ERAP1: variants seen among roughly 807,000 people sequenced by gnomAD.
The protein encoded by ERAP1 is endoplasmic reticulum aminopeptidase 1.
In ERAP1, 86 loss-of-function variants were observed where a neutral mutation model predicts 103.7. The observed-to-expected ratio is 0.83, with a 90% CI of 0.70 to 0.99. ERAP1 has a LOEUF of 0.99. Ranked by LOEUF, ERAP1 falls within the 50% of genes least tolerant of loss-of-function variation. ERAP1 has a pLI of 0.00. For missense variants in ERAP1, 1,009 were observed against 1,128.4 expected, an observed-to-expected ratio of 0.89 and a Z score of 1.52; for synonymous variants, 398 against 402.4, an observed-to-expected ratio of 0.99 and a Z score of 0.13.
At chr5:96,869,337 C>T in the ERAP1 span, among the ~76,000 whole-genome samples, 23,419 of 152,050 alleles carry the variant, frequency 0.15, 2,281 homozygotes, top group Middle Eastern at 0.32. Flanking sequence ...CTACCCTCCA[C>T]TGACTAGTTT....
the ERAP1 span, among the ~76,000 whole-genome samples, chr5:96,849,878 T>A: frequency 2.4e-4 from 37 of 152,062 alleles, no homozygotes; most frequent in East Asian, 6.4e-3. Context: ...GCTAGAGTAA[T>A]CAAAACAGCA....
chr5:96,851,554 T>C, the ERAP1 span, among the ~76,000 whole-genome samples: 11 of 152,200 alleles, frequency 7.2e-5, no homozygotes, highest in African/African-American at 2.7e-4. Flanking sequence ...CTCTGGTTTC[T>C]TTCTTTTCCC....
the ERAP1 span, among the ~76,000 whole-genome samples, chr5:96,889,717 A>G: frequency 2.0e-5 from 3 of 152,028 alleles, no homozygotes; most frequent in South Asian, 2.1e-4. Context: ...GCGGACATCA[A>G]CGCTCTCATC....
exon 20 of ERAP1, chr5:96,762,972 T>C (rs763457521): frequency 5.1e-6 from 3 of 585,314 alleles, no homozygotes; most frequent in Non-Finnish European, 9.2e-6. Flanking sequence ...CAGACTTCCT[T>C]GACTAATCAC....
downstream of ERAP1, chr5:96,774,330 TA>T: frequency 4.7e-6 from 1 of 213,140 alleles, no homozygotes; most frequent in Non-Finnish European, 8.2e-6. Flanking sequence ...AACATTTATT[TA>T]AAAAGAACTC....
the ERAP1 span, chr5:96,886,626 G>A: frequency 1.0e-5 from 15 of 1,473,304 alleles, no homozygotes; most frequent in Middle Eastern, 1.8e-4. Flanking sequence ...CAGTTTTCAA[G>A]TACTGATTAT....
chr5:96,854,855 C>T, the ERAP1 span, among the ~76,000 whole-genome samples: 1 of 152,132 alleles, frequency 6.6e-6, no homozygotes, highest in Non-Finnish European at 1.5e-5. Flanking sequence ...ACTTAAAATA[C>T]TATCCAAGGG....
the ERAP1 span, among the ~76,000 whole-genome samples, chr5:96,888,613 A>C: frequency 6.6e-6 from 1 of 152,228 alleles, no homozygotes; most frequent in Non-Finnish European, 1.5e-5. Flanking sequence ...TGGGTCATGA[A>C]ATAAAAGTAG....
chr5:96,786,042 T>C, intron 12 of ERAP1, 71 bp from the exon 13 acceptor site: 1 of 1,452,970 alleles, frequency 6.9e-7, no homozygotes, highest in Non-Finnish European at 9.6e-7. Context: ...CATCCAAGAT[T>C]GGGCAAGGAA....
At position 96,795,123 on chromosome 5, in the gene ERAP1, CTGCT is replaced by C; in HGVS notation, c.834_837del (p.Ala279IlefsTer8). 6.2e-7 allele frequency: 1 copy of C among 1,613,924 alleles called. No homozygotes were observed. Among genetic ancestry groups the C allele is most frequent in the Non-Finnish European group, 8.5e-7 (1 of 1,179,988 alleles). On this transcript the variant is annotated frameshift_variant, in exon 5 of 19. Transcript: ENST00000443439. LOFTEE classifies it high-confidence loss of function. ...GTCACCGCAGCATCCAGTGCATAAT[CTGCT>C]TGATTTATCTTGTCTGGCACAGCAT...
chr5:96,876,315 T>A, the ERAP1 span: 1 of 152,506 alleles, frequency 6.6e-6, no homozygotes. Flanking sequence ...GTTTGGCTTC[T>A]ACTCCAAAGC....
chr5:96,847,481 C>T, the ERAP1 span, among the ~76,000 whole-genome samples: 1 of 152,116 alleles, frequency 6.6e-6, no homozygotes, highest in Non-Finnish European at 1.5e-5. Flanking sequence ...ACAGGTCTAA[C>T]ATATATATAC....
the ERAP1 span, among the ~76,000 whole-genome samples, chr5:96,857,301 A>C: frequency 6.6e-6 from 1 of 152,108 alleles, no homozygotes; most frequent in Non-Finnish European, 1.5e-5. Flanking sequence ...CACATGTCAC[A>C]CTGGGTTATT....
the ERAP1 span, among the ~76,000 whole-genome samples, chr5:96,861,878 G>C: frequency 3.3e-5 from 5 of 152,212 alleles, no homozygotes; most frequent in South Asian, 6.2e-4. Context: ...TTACCCAACA[G>C]TAATTTTGCC....
chr5:96,813,722 A>T, the ERAP1 span, among the ~76,000 whole-genome samples: 4 of 151,940 alleles, frequency 2.6e-5, no homozygotes, highest in East Asian at 7.7e-4. Context: ...GAGGAAGATA[A>T]ACACCTTACC....
chr5:96,764,742 A>G (rs1383703190), intron 19 of ERAP1, among the ~76,000 whole-genome samples: 1 of 152,176 alleles, frequency 6.6e-6, no homozygotes, highest in African/African-American at 2.4e-5. Flanking sequence ...AACCAAAGAA[A>G]CACTTACCCT....
chr5:96,801,151 G>T, intron 2 of ERAP1, 151 bp from the exon 3 acceptor site: 1 of 875,946 alleles, frequency 1.1e-6, no homozygotes, highest in Non-Finnish European at 1.8e-6. Flanking sequence ...CATAAACTAA[G>T]TTAAAAGACG....
At chr5:96,881,200 T>G in the ERAP1 span, 64 of 346,042 alleles carry the variant, frequency 1.8e-4, no homozygotes, top group Admixed American at 3.3e-4. Context: ...CTCTGATTTA[T>G]GCTTTATAAA....
chr5:96,815,435 G>A, the ERAP1 span, among the ~76,000 whole-genome samples: 10 of 140,816 alleles, frequency 7.1e-5, no homozygotes, highest in African/African-American at 2.6e-4. Context: ...TTTTGAGATG[G>A]GATTTTGCTC....
Sources: allele counts gnomAD v4.1 joint callset (sites outside exome capture counted in the v4.1 genomes callset), GRCh38; gene constraint gnomAD v4.1.1; transcripts MANE v1.5; gene names NCBI Gene and HGNC (gene_info 2026-07-23, HGNC 2026-07-21).